Variants in RERE observed in about 807,000 individuals in gnomAD.
The protein encoded by RERE is arginine-glutamic acid dipeptide repeats protein.
A neutral mutation model predicts 146.1 loss-of-function variants in RERE; 40 were observed. The ratio of observed to expected loss-of-function variants is 0.27; its 90% CI spans 0.21 to 0.36. The LOEUF (loss-of-function observed/expected upper bound fraction) is 0.36. Ranked by LOEUF, RERE falls within the 10% of genes least tolerant of loss-of-function variation. The pLI, the probability that RERE is intolerant of heterozygous loss-of-function variation, is 1.00. For synonymous variants in RERE, 1,003 were observed against 866.0 expected (o/e 1.16, Z -2.78); for missense variants, 1,933 against 2,138.7 (o/e 0.90, Z 1.90).
intron 7 of RERE, among the ~76,000 whole-genome samples, chr1:8,523,052 C>T (rs1032205721): frequency 1.3e-5 from 2 of 151,870 alleles, no homozygotes; most frequent in Admixed American, 1.3e-4. Flanking sequence ...GTGGCGCCCA[C>T]CTGTAGTCCC....
intron 1 of RERE, among the ~76,000 whole-genome samples, chr1:8,667,140 ACT>A (rs1638593450): frequency 1.3e-5 from 2 of 152,168 alleles, no homozygotes; most frequent in African/African-American, 4.8e-5. Flanking sequence ...AGATTAAAAG[ACT>A]CTAATAAATA....
chr1:8,571,690 T>C (rs896094022), intron 4 of RERE, among the ~76,000 whole-genome samples: 1 of 152,242 alleles, frequency 6.6e-6, no homozygotes, highest in African/African-American at 2.4e-5. Context: ...GTTAGTCTAT[T>C]TATAACCGTT....
chr1:8,372,427 G>A (rs775249184), intron 12 of RERE, among the ~76,000 whole-genome samples: 7 of 151,606 alleles, frequency 4.6e-5, no homozygotes, highest in Non-Finnish European at 8.8e-5. Flanking sequence ...GGAAGGGGAG[G>A]GAGTGCAATA....
intron 1 of RERE, among the ~76,000 whole-genome samples, chr1:8,745,976 G>A (rs1640412068): frequency 6.6e-6 from 1 of 152,158 alleles, no homozygotes; most frequent in Non-Finnish European, 1.5e-5. Flanking sequence ...GCTGAAGCAG[G>A]ATTGCTTGAA....
chr1:8,496,813 AG>A (rs1481304528), intron 9 of RERE, among the ~76,000 whole-genome samples: 1 of 152,260 alleles, frequency 6.6e-6, no homozygotes, highest in Non-Finnish European at 1.5e-5. Flanking sequence ...TGTCAAGTTC[AG>A]GACAGGCACT....
intron 4 of RERE, among the ~76,000 whole-genome samples, chr1:8,563,343 C>T (rs1646100857): frequency 1.3e-5 from 2 of 150,170 alleles, no homozygotes; most frequent in South Asian, 4.2e-4. Flanking sequence ...AGGACTAGGG[C>T]AGAGAGAGAG....
At chr1:8,697,032 C>T (rs1195894902) in intron 1 of RERE, among the ~76,000 whole-genome samples, 1 of 151,964 alleles carries the variant, frequency 6.6e-6, no homozygotes, top group Admixed American at 6.5e-5. Flanking sequence ...GCACCCAACA[C>T]ACTTAAGAGT....
At chr1:8,801,168 G>A (rs1196468330) in intron 1 of RERE, among the ~76,000 whole-genome samples, 1 of 152,008 alleles carries the variant, frequency 6.6e-6, no homozygotes, top group Non-Finnish European at 1.5e-5. Context: ...GTTGAGATGG[G>A]AAGATCGCTT....
intron 1 of RERE, among the ~76,000 whole-genome samples, chr1:8,774,106 C>A (rs1045341992): frequency 2.0e-5 from 3 of 152,194 alleles, no homozygotes; most frequent in Non-Finnish European, 4.4e-5. Flanking sequence ...CGAATCCACA[C>A]ACGCAGCCAA....
chr1:8,647,300 G>A (rs893142366), intron 2 of RERE, among the ~76,000 whole-genome samples: 1 of 152,166 alleles, frequency 6.6e-6, no homozygotes, highest in African/African-American at 2.4e-5. Flanking sequence ...TAGGCAACTA[G>A]GTCACAGAGG....
chr1:8,449,591 T>A (rs1270297607), intron 11 of RERE, among the ~76,000 whole-genome samples: 2 of 152,244 alleles, frequency 1.3e-5, no homozygotes, highest in Admixed American at 6.5e-5. Flanking sequence ...CATCTAGGTA[T>A]GAAAAACGCA....
intron 1 of RERE, among the ~76,000 whole-genome samples, chr1:8,667,512 C>T (rs1056038991): frequency 7.2e-5 from 11 of 152,144 alleles, no homozygotes; most frequent in African/African-American, 2.2e-4. Flanking sequence ...CCCATCTCTA[C>T]TAAAAATACA....
intron 1 of RERE, among the ~76,000 whole-genome samples, chr1:8,803,008 T>C (rs958135142): frequency 1.3e-5 from 2 of 152,192 alleles, no homozygotes; most frequent in African/African-American, 4.8e-5. Context: ...ACACTGCAAC[T>C]TCTTAACACA....
chr1:8,755,600 A>G (rs944643727), intron 1 of RERE, among the ~76,000 whole-genome samples: 1 of 152,238 alleles, frequency 6.6e-6, no homozygotes, highest in African/African-American at 2.4e-5. Context: ...TAAAAACTAA[A>G]TAGTATGCCA....
intron 4 of RERE, among the ~76,000 whole-genome samples, chr1:8,569,446 T>C (rs1479277499): frequency 6.6e-6 from 1 of 152,142 alleles, no homozygotes; most frequent in African/African-American, 2.4e-5. Flanking sequence ...GGGTCAGACT[T>C]TGCGGTAATG....
chr1:8,762,053 G>T (rs988046012), intron 1 of RERE, among the ~76,000 whole-genome samples: 4 of 152,110 alleles, frequency 2.6e-5, no homozygotes, highest in African/African-American at 9.7e-5. Context: ...TCCTTTATCA[G>T]AACACCTTCA....
intron 15 of RERE, 59 bp downstream of exon 15, chr1:8,363,997 C>G: frequency 4.0e-6 from 6 of 1,518,942 alleles, no homozygotes; most frequent in Non-Finnish European, 5.5e-6. Flanking sequence ...GCTCAAGCCC[C>G]CACACATCCC....
chr1:8,405,411 T>C (rs770926270), intron 12 of RERE, among the ~76,000 whole-genome samples: 4 of 152,202 alleles, frequency 2.6e-5, no homozygotes, highest in South Asian at 2.1e-4. Flanking sequence ...ATGATATCTT[T>C]TAAAAATGCA....
At chr1:8,680,568 AAAG>A (rs1473750682) in intron 1 of RERE, among the ~76,000 whole-genome samples, 6 of 152,222 alleles carry the variant, frequency 3.9e-5, no homozygotes, top group Non-Finnish European at 7.3e-5. Context: ...AAAGAAAGGA[AAAG>A]AAGGAAGACA....
Sources: gnomAD v4.1 joint callset for allele counts (sites outside exome capture counted in the v4.1 genomes callset) on GRCh38, gnomAD v4.1.1 for gene constraint, MANE v1.5 for transcripts, NCBI Gene and HGNC (gene_info 2026-07-23, HGNC 2026-07-21) for gene names.